KMT2E: variants seen among roughly 807,000 people sequenced by gnomAD.
KMT2E encodes the protein histone reader KMT2E.
In KMT2E, 30 loss-of-function variants were observed where a neutral mutation model predicts 184.6. The ratio of observed to expected loss-of-function variants is 0.16; its 90% confidence interval spans 0.12 to 0.22. The LOEUF (loss-of-function observed/expected upper bound fraction) is 0.22, where lower values mean the gene tolerates loss of function less well. Among genes scored for constraint, KMT2E ranks in the 10% least tolerant of loss-of-function variants. The pLI, the probability that KMT2E is intolerant of heterozygous loss-of-function variation, is 1.00. For missense variants in KMT2E, 2,023 were observed against 2,237.4 expected (o/e 0.90, Z 1.93); for synonymous variants, 815 against 776.5 (o/e 1.05, Z -0.82).
intron 15 of KMT2E, among the ~76,000 whole-genome samples, chr7:105,098,337 T>C (rs1201282981): frequency 6.6e-6 from 1 of 151,764 alleles, no homozygotes; most frequent in Non-Finnish European, 1.5e-5. Flanking sequence ...ACTCCTGGAC[T>C]CAAGCAATCC....
In KMT2E at chr7:105,054,720, G is replaced by T. The variant is rs569085293; in HGVS notation, c.72-7444G>T. Among the ~76,000 whole-genome samples, 3 of 152,266 alleles carry T rather than the reference G, an allele frequency of 2.0e-5. No homozygotes were observed. The South Asian group carries it at 6.2e-4, about 32-fold the overall frequency. On this transcript the variant is annotated intron_variant, in intron 3 of 26. Transcript: ENST00000311117. ...GTAGAGTCAGGGTTTCACCATGTTG[G>T]TCAGGCTTGATCTCGAACTCCTGAC...
At position 105,106,749 on chromosome 7, in the gene KMT2E, C is replaced by T. The variant is rs1207385331; in HGVS notation, c.2824C>T (p.Pro942Ser). 1 of 1,613,756 alleles carries T rather than the reference C, an allele frequency of 6.2e-7. No homozygotes were observed. Among genetic ancestry groups the T allele is most frequent in the Non-Finnish European group, 8.5e-7 (1 of 1,179,852 alleles). Residue 942 changes from proline (P) to serine (S), a missense_variant, in exon 20 of 27, where the codon CCA becomes TCA. Pro to Ser is a moderately conservative substitution (Grantham distance 74). This residue lies in a region of KMT2E where 514 missense variants were observed against 621.8 expected (regional missense o/e 0.83). Transcript: ENST00000311117. ...SPVTPVTPGT[P>S]GNTMHFENIS... ...AGTTACCCCAGTAACTCCTGGTACACCAGGAAATACCATGCACTTTGAGGT... is the reference window on the plus strand; with the variant it reads ...AGTTACCCCAGTAACTCCTGGTACATCAGGAAATACCATGCACTTTGAGGT...
At chr7:105,101,375 A>G in intron 15 of KMT2E, 50 bp from the exon 16 acceptor site, 2 of 1,271,652 alleles carry the variant, frequency 1.6e-6, no homozygotes, top group East Asian at 5.1e-5. Flanking sequence ...ACTTAATTTT[A>G]CTTTTGAGCA....
chr7:105,103,678 G>C (rs987997294), intron 17 of KMT2E: 3 of 152,018 alleles, frequency 2.0e-5, no homozygotes, highest in Non-Finnish European at 4.4e-5. Context: ...GAGAGGGACA[G>C]AAAAGATGCT....
At chr7:105,091,490 T>C in intron 15 of KMT2E, 176 bp downstream of exon 15, 1 of 626,844 alleles carries the variant, frequency 1.6e-6, no homozygotes, top group Non-Finnish European at 2.9e-6. Flanking sequence ...ATCTTGTATT[T>C]TTATTGGTTG....
intron 13 of KMT2E, among the ~76,000 whole-genome samples, chr7:105,085,247 A>G (rs919383952): frequency 6.6e-6 from 1 of 152,220 alleles, no homozygotes; most frequent in Non-Finnish European, 1.5e-5. Flanking sequence ...AGAAAAATGT[A>G]AACAATAATA....
At chr7:105,033,369 A>G (rs1795502879) in intron 1 of KMT2E, among the ~76,000 whole-genome samples, 1 of 152,250 alleles carries the variant, frequency 6.6e-6, no homozygotes, top group African/African-American at 2.4e-5. Context: ...TGTAAGAAAT[A>G]ATAGAGAAAT....
intron 3 of KMT2E, among the ~76,000 whole-genome samples, chr7:105,044,741 G>A (rs1247444665): frequency 2.0e-5 from 3 of 152,182 alleles, no homozygotes; most frequent in Non-Finnish European, 4.4e-5. Flanking sequence ...GTAGTTTTGT[G>A]ACAGTGTTGT....
At chr7:105,016,234 T>G (rs552181824) in intron 1 of KMT2E, among the ~76,000 whole-genome samples, 29 of 152,262 alleles carry the variant, frequency 1.9e-4, no homozygotes, top group Non-Finnish European at 4.0e-4. Context: ...TCATTGGGTG[T>G]AGAGATGCCA....
intron 5 of KMT2E, 85 bp downstream of exon 5, chr7:105,063,665 C>T: frequency 1.1e-6 from 1 of 888,776 alleles, no homozygotes; most frequent in Non-Finnish European, 1.7e-6. Flanking sequence ...AAGTCACTTT[C>T]AAGGGAATTA....
chr7:105,103,531 T>C (rs1389308247), intron 17 of KMT2E: 1 of 152,150 alleles, frequency 6.6e-6, no homozygotes, highest in Non-Finnish European at 1.5e-5. Context: ...CAGATAAAGA[T>C]TGAGATATAA....
chr7:105,055,061 G>C (rs1796523043), intron 3 of KMT2E, among the ~76,000 whole-genome samples: 2 of 152,108 alleles, frequency 1.3e-5, no homozygotes, highest in Admixed American at 1.3e-4. Context: ...TGAGCCTACT[G>C]AATCTAGGAG....
intron 5 of KMT2E, among the ~76,000 whole-genome samples, chr7:105,066,158 T>A (rs1040972580): frequency 6.6e-6 from 1 of 152,002 alleles, no homozygotes; most frequent in Non-Finnish European, 1.5e-5. Context: ...CTGTAAAAAA[T>A]TGTTACCTGT....
rs1562936506 is a variant in KMT2E at position 105,111,934 on chromosome 7, T to C, written c.4178T>C (p.Val1393Ala). Residue 1393 changes from valine (V) to alanine (A), a missense_variant, in exon 27 of 27, where the codon GTT becomes GCT. By Grantham distance (64) the Val-to-Ala change is moderately conservative. Around this residue, in one of 8 missense-constraint regions of KMT2E, gnomAD observed 1,108 missense variants for 1,050.9 expected, o/e 1.05. Transcript: ENST00000311117. ...AGTGCATCCGAAGCTGAAAATGGTG[T>C]TCACCTAAAAACAGAGCTCCAACAA... ...TVSASEAENG[V>A]HLKTELQQKQ... The C allele has an allele frequency of 4.3e-6, 7 of 1,614,102 alleles. No individual in the cohort carries two copies. The highest frequency in any genetic ancestry group is 5.9e-6 in the Non-Finnish European group (7 of 1,180,014).
intron 1 of KMT2E, among the ~76,000 whole-genome samples, chr7:105,015,227 C>T (rs973171474): frequency 3.3e-5 from 5 of 152,134 alleles, no homozygotes; most frequent in Admixed American, 6.5e-5. Flanking sequence ...TGGCTCATTT[C>T]AGAAAAGCTT....
intron 15 of KMT2E, among the ~76,000 whole-genome samples, chr7:105,094,924 C>G (rs1049883194): frequency 3.3e-5 from 5 of 152,106 alleles, no homozygotes; most frequent in African/African-American, 1.2e-4. Flanking sequence ...TGAAATGTAT[C>G]CCTTGTGAAT....
chr7:105,071,582 G>GTGTATATATATA (rs1398236878), intron 6 of KMT2E, among the ~76,000 whole-genome samples: 1 of 34,944 alleles, frequency 2.9e-5, no homozygotes, highest in East Asian at 1.1e-3. Context: ...ATGTGTGTGT[G>GTGTATATATATA]TATATATATA....
intron 13 of KMT2E, among the ~76,000 whole-genome samples, chr7:105,085,904 C>T (rs1459131646): frequency 6.6e-6 from 1 of 152,132 alleles, no homozygotes; most frequent in Non-Finnish European, 1.5e-5. Flanking sequence ...CATCCCCTGA[C>T]CTCATGGTCC....
At chr7:105,015,180 C>T (rs924844264) in intron 1 of KMT2E, among the ~76,000 whole-genome samples, 8 of 152,114 alleles carry the variant, frequency 5.3e-5, no homozygotes, top group African/African-American at 1.9e-4. Context: ...GCATTACCGC[C>T]GTCCTTTACT....
Sources: gnomAD v4.1 joint callset for allele counts (sites outside exome capture counted in the v4.1 genomes callset) on GRCh38, gnomAD v4.1.1 for gene constraint, gnomAD v4.1.1 regional missense constraint, MANE v1.5 for transcripts, NCBI Gene and HGNC (gene_info 2026-07-23, HGNC 2026-07-21) for gene names.